Variants in ADAMTS6 observed in about 807,000 individuals in gnomAD.
ADAMTS6 encodes the protein ADAM metallopeptidase with thrombospondin type 1 motif 6, also known as A disintegrin and metalloproteinase with thrombospondin motifs 6.
In ADAMTS6, 23 loss-of-function variants were observed where a neutral mutation model predicts 144.3. The ratio of observed to expected loss-of-function variants is 0.16; its 90% confidence interval spans 0.11 to 0.23. The LOEUF is 0.23. ADAMTS6 is among the 10% of genes least tolerant of loss of function. The pLI, the probability that ADAMTS6 is intolerant of heterozygous loss-of-function variation, is 1.00. For synonymous variants in ADAMTS6, 444 were observed against 457.5 expected, an observed-to-expected ratio of 0.97 and a Z score of 0.38; for missense variants, 999 against 1,379.6, an observed-to-expected ratio of 0.72 and a Z score of 4.37.
At chr5:65,444,534 A>G (rs2150237629) in intron 7 of ADAMTS6, among the ~76,000 whole-genome samples, 1 of 152,364 alleles carries the variant, frequency 6.6e-6, no homozygotes, top group East Asian at 1.9e-4. Context: ...ATATGACCAA[A>G]GGTATAAAAA....
chr5:65,461,889 C>T (rs909868371), intron 3 of ADAMTS6, among the ~76,000 whole-genome samples: 1 of 152,134 alleles, frequency 6.6e-6, no homozygotes, highest in African/African-American at 2.4e-5. Flanking sequence ...AATTCTAAAC[C>T]TCTATGATTC....
intron 7 of ADAMTS6, among the ~76,000 whole-genome samples, chr5:65,375,958 G>T (rs1421851285): frequency 6.6e-6 from 1 of 152,208 alleles, no homozygotes; most frequent in African/African-American, 2.4e-5. Flanking sequence ...CATGTCGTTT[G>T]TAGGGACATG....
At chr5:65,278,794 C>A (rs1762759547) in intron 11 of ADAMTS6, among the ~76,000 whole-genome samples, 1 of 152,110 alleles carries the variant, frequency 6.6e-6, no homozygotes, top group South Asian at 2.1e-4. Flanking sequence ...ATTGTATTCT[C>A]ATTTTTTAAT....
intron 7 of ADAMTS6, among the ~76,000 whole-genome samples, chr5:65,445,115 T>C (rs1758166463): frequency 6.6e-6 from 1 of 152,232 alleles, no homozygotes; most frequent in African/African-American, 2.4e-5. Flanking sequence ...TAATGACGCC[T>C]ACTACAAATA....
At chr5:65,189,103 AC>A (rs141263484) in intron 21 of ADAMTS6, among the ~76,000 whole-genome samples, 3,447 of 152,324 alleles carry the variant, frequency 0.023, 47 homozygotes, top group Non-Finnish European at 0.033. Context: ...CAGCTTCTAC[AC>A]AGCTAATGTG....
chr5:65,425,767 CTT>C (rs1249283280), intron 7 of ADAMTS6, among the ~76,000 whole-genome samples: 11 of 143,876 alleles, frequency 7.6e-5, no homozygotes, highest in Admixed American at 7.0e-5. Context: ...AGTGCTGCTT[CTT>C]TTTTTTTTTT....
In ADAMTS6 at chr5:65,214,369, C is replaced by G; in HGVS notation, c.2575+425G>C. ...AGTTTGAATAGGATTGTGGCAAACA[C>G]ACAGGCACACAAACACACACAACAA... On this transcript the variant is annotated intron_variant, in intron 20 of 24. Coordinates refer to ENST00000381055, the MANE Select transcript of ADAMTS6 (RefSeq NM_197941.4). This position sits in a 1 kb window ranked among gnomAD's most constrained non-coding sequence, Gnocchi z 4.6. The G allele has an allele frequency of 6.1e-6, 2 of 328,712 alleles. No individual in the cohort carries two copies. The highest frequency in any genetic ancestry group is 8.3e-5 in the East Asian group (1 of 12,056). The allele number at this position is 328,712 out of a possible 1,614,324, so 20.4% of individuals were successfully genotyped here.
At chr5:65,180,120 C>A (rs1754252021) in intron 22 of ADAMTS6, among the ~76,000 whole-genome samples, 1 of 152,134 alleles carries the variant, frequency 6.6e-6, no homozygotes, top group Admixed American at 6.5e-5. Context: ...TCTAGGTGAA[C>A]ACCGTGCACA....
chr5:65,162,660 C>CACA (rs1554040008), intron 24 of ADAMTS6, among the ~76,000 whole-genome samples: 3 of 148,308 alleles, frequency 2.0e-5, no homozygotes, highest in Admixed American at 6.8e-5. Context: ...CACACACACA[C>CACA]TTGCAGAGAG....
intron 22 of ADAMTS6, among the ~76,000 whole-genome samples, chr5:65,177,130 T>C (rs1283457394): frequency 6.6e-6 from 1 of 152,136 alleles, no homozygotes; most frequent in Non-Finnish European, 1.5e-5. Flanking sequence ...CCCTACCTTG[T>C]GCTGTTAACC....
intron 18 of ADAMTS6, among the ~76,000 whole-genome samples, chr5:65,221,903 G>A (rs976106556): frequency 6.6e-6 from 1 of 152,022 alleles, no homozygotes; most frequent in South Asian, 2.1e-4. Flanking sequence ...GCACCAAAAA[G>A]CATGATTAGA....
intron 3 of ADAMTS6, among the ~76,000 whole-genome samples, chr5:65,464,820 G>C (rs938023735): frequency 6.6e-6 from 1 of 152,026 alleles, no homozygotes; most frequent in African/African-American, 2.4e-5. Flanking sequence ...TTCTAAAACT[G>C]TCCCTCTAAT....
intron 3 of ADAMTS6, among the ~76,000 whole-genome samples, chr5:65,465,682 T>C (rs1264846023): frequency 6.6e-6 from 1 of 152,232 alleles, no homozygotes; most frequent in African/African-American, 2.4e-5. Flanking sequence ...CAATGATAAA[T>C]TCAATGCAAT....
chr5:65,378,176 T>G (rs1751724712), intron 7 of ADAMTS6, among the ~76,000 whole-genome samples: 1 of 152,140 alleles, frequency 6.6e-6, no homozygotes, highest in Non-Finnish European at 1.5e-5. Flanking sequence ...GGGGATACAA[T>G]CCAACCCATA....
At chr5:65,405,729 T>C (rs1235029310) in intron 7 of ADAMTS6, among the ~76,000 whole-genome samples, 1 of 152,134 alleles carries the variant, frequency 6.6e-6, no homozygotes, top group Admixed American at 6.6e-5. Context: ...CTATAAATTA[T>C]CTTAGGCACT....
At chr5:65,187,564 C>T (rs529382937) in intron 22 of ADAMTS6, among the ~76,000 whole-genome samples, 8 of 152,094 alleles carry the variant, frequency 5.3e-5, no homozygotes, top group African/African-American at 1.9e-4. Flanking sequence ...TGCTACATTA[C>T]TTGAAAAAAG....
At chr5:65,410,951 C>T (rs1754995762) in intron 7 of ADAMTS6, among the ~76,000 whole-genome samples, 1 of 152,156 alleles carries the variant, frequency 6.6e-6, no homozygotes, top group South Asian at 2.1e-4. Context: ...AATCCTCCTG[C>T]TTCAGGCTCC....
At chr5:65,415,737 CTATAA>C (rs904975419) in intron 7 of ADAMTS6, 3 of 231,540 alleles carry the variant, frequency 1.3e-5, no homozygotes, top group African/African-American at 2.4e-5. Flanking sequence ...CCACTGGGGA[CTATAA>C]TGGCCAGGTA....
rs1239119432 is a variant in ADAMTS6, at chr5:65,428,328, TA to T, written c.1073+23146del. On this transcript the variant is annotated intron_variant, in intron 7 of 24. Transcript: ENST00000381055. Reference sequence around the variant, plus strand: ...GACAAATAATACAACAGGTTCACTTTAAAAGCTCAAAAACCATTATTTCAAC... The same window carrying T: ...GACAAATAATACAACAGGTTCACTTTAAAGCTCAAAAACCATTATTTCAAC... 1.2e-4 allele frequency among the ~76,000 whole-genome samples: 19 copies of T among 152,282 alleles called. No individual in the cohort carries two copies. In the East Asian group the frequency reaches 3.7e-3, roughly 29 times the overall value.
Sources: gnomAD v4.1 joint callset for allele counts (sites outside exome capture counted in the v4.1 genomes callset) on GRCh38, gnomAD v4.1.1 for gene constraint, Gnocchi (gnomAD v3.1) non-coding constraint, MANE v1.5 for transcripts, NCBI Gene and HGNC (gene_info 2026-07-23, HGNC 2026-07-21) for gene names.